The following MYO3A variants were observed in gnomAD, a reference collection of about 807,000 sequenced individuals.
MYO3A encodes myosin IIIA.
MYO3A carries 180 observed loss-of-function variants against 192.7 expected under a neutral mutation model. The observed-to-expected ratio is 0.93, with a 90% CI of 0.83 to 1.06. MYO3A has a LOEUF of 1.06. MYO3A is among the 50% of genes least tolerant of loss of function. The pLI is 0.00. For synonymous variants in MYO3A, 628 were observed against 645.3 expected (o/e 0.97, Z 0.41); for missense variants, 1,896 against 1,905.0 (o/e 1.00, Z 0.09).
chr10:26,145,179 CAAAA>C (rs10715590), intron 21 of MYO3A, among the ~76,000 whole-genome samples: 1 of 94,414 alleles, frequency 1.1e-5, no homozygotes, highest in Non-Finnish European at 2.2e-5. Context: ...AACTCTGTCT[CAAAA>C]AAAAAAAAAA....
intron 15 of MYO3A, among the ~76,000 whole-genome samples, chr10:26,093,149 CACTT>C (rs1161319320): frequency 3.9e-5 from 6 of 152,106 alleles, no homozygotes; most frequent in Non-Finnish European, 7.4e-5. Context: ...TGATTGTTAA[CACTT>C]AATTGATACA....
chr10:26,018,951 T>C (rs1401388616), intron 7 of MYO3A, among the ~76,000 whole-genome samples: 1 of 152,200 alleles, frequency 6.6e-6, no homozygotes, highest in East Asian at 1.9e-4. Context: ...AATGAGAAAT[T>C]CGTATGAATG....
At chr10:25,977,437 G>A (rs779515964) in intron 4 of MYO3A, among the ~76,000 whole-genome samples, 1 of 152,076 alleles carries the variant, frequency 6.6e-6, no homozygotes, top group Non-Finnish European at 1.5e-5. Flanking sequence ...GTTTCTCCTG[G>A]TCAGGTTCAT....
chr10:26,121,102 A>G lies in MYO3A; in HGVS notation c.1903+300A>G, dbSNP rs57004262. On this transcript the variant is annotated intron_variant, in intron 18 of 34. Coordinates refer to ENST00000642920, the MANE Select transcript of MYO3A (RefSeq NM_017433.5). ...AGTATAGTTAAAATTCAGTAAACTGATCTGAAAAAGAATTATGTTATTGTC... is the reference window on the plus strand; with the variant it reads ...AGTATAGTTAAAATTCAGTAAACTGGTCTGAAAAAGAATTATGTTATTGTC... Among the ~76,000 whole-genome samples, 2,581 of 151,902 alleles carry G rather than the reference A, an allele frequency of 0.017. 83 individuals carry two copies. Among genetic ancestry groups the G allele is most frequent in the African/African-American group, 0.057 (2,342 of 41,388 alleles).
chr10:26,149,190 G>C (rs1564597990), intron 23 of MYO3A, among the ~76,000 whole-genome samples: 1 of 151,462 alleles, frequency 6.6e-6, no homozygotes, highest in Non-Finnish European at 1.5e-5. Context: ...CTAATTTCCT[G>C]AATGGTTTTT....
intron 34 of MYO3A, among the ~76,000 whole-genome samples, chr10:26,204,722 C>G (rs960844447): frequency 1.3e-5 from 2 of 152,146 alleles, no homozygotes; most frequent in African/African-American, 4.8e-5. Flanking sequence ...GTATTTCCAT[C>G]CTATGCAAAA....
chr10:26,045,111 C>A (rs570916375), intron 10 of MYO3A, among the ~76,000 whole-genome samples: 12 of 152,168 alleles, frequency 7.9e-5, no homozygotes, highest in Middle Eastern at 3.2e-3. Context: ...AGCAAGAACA[C>A]CCAGAGTGAC....
intron 10 of MYO3A, among the ~76,000 whole-genome samples, chr10:26,050,917 G>A (rs1273743405): frequency 1.3e-5 from 2 of 152,156 alleles, no homozygotes; most frequent in African/African-American, 4.8e-5. Flanking sequence ...TGTGCCTGTT[G>A]TCCAACTCAT....
intron 3 of MYO3A, 34 bp downstream of exon 3, chr10:25,952,312 TTTTTA>T: frequency 6.3e-7 from 1 of 1,587,652 alleles, no homozygotes; most frequent in Non-Finnish European, 8.6e-7. Flanking sequence ...ATTAGCTTTA[TTTTTA>T]TCTGTATGAA....
At chr10:26,180,965 A>G (rs1169928851) in intron 31 of MYO3A, among the ~76,000 whole-genome samples, 6 of 152,140 alleles carry the variant, frequency 3.9e-5, no homozygotes, top group Non-Finnish European at 7.4e-5. Flanking sequence ...AAGAATAACT[A>G]TAAATGAGGA....
At chr10:26,187,928 T>C (rs576600894) in intron 31 of MYO3A, among the ~76,000 whole-genome samples, 1 of 152,272 alleles carries the variant, frequency 6.6e-6, no homozygotes, top group Admixed American at 6.5e-5. Context: ...TCTTTGCTAT[T>C]GTGAATAGTG....
At chr10:25,958,089 A>G (rs1330678540) in intron 4 of MYO3A, among the ~76,000 whole-genome samples, 1 of 152,144 alleles carries the variant, frequency 6.6e-6, no homozygotes, top group Admixed American at 6.6e-5. Flanking sequence ...TCTTTAGTTT[A>G]ATAAGATTTC....
intron 17 of MYO3A, among the ~76,000 whole-genome samples, chr10:26,119,964 TG>T (rs951231928): frequency 6.8e-6 from 1 of 146,036 alleles, no homozygotes; most frequent in African/African-American, 2.6e-5. Context: ...GAGACCAGCC[TG>T]GGCAACATGG....
chr10:26,035,061 G>A (rs550392591), intron 10 of MYO3A, among the ~76,000 whole-genome samples: 115 of 152,140 alleles, frequency 7.6e-4, no homozygotes, highest in African/African-American at 2.4e-3. Flanking sequence ...AGAAGGAAAG[G>A]TCTCGTAAAG....
intron 20 of MYO3A, among the ~76,000 whole-genome samples, chr10:26,139,263 T>G (rs1589022974): frequency 6.6e-6 from 1 of 151,974 alleles, no homozygotes; most frequent in East Asian, 1.9e-4. Flanking sequence ...TGAGATGGAG[T>G]TTCATTCTTG....
At chr10:26,201,363 A>G in intron 33 of MYO3A, 58 bp downstream of exon 33, 7 of 1,299,676 alleles carry the variant, frequency 5.4e-6, no homozygotes, top group South Asian at 1.3e-5. Flanking sequence ...ATAAAAATCC[A>G]TGTGTTCAAA....
intron 10 of MYO3A, 113 bp from the exon 11 acceptor site, chr10:26,066,862 A>T: frequency 1.4e-6 from 1 of 718,896 alleles, no homozygotes; most frequent in Non-Finnish European, 2.5e-6. Flanking sequence ...GTATCTTATC[A>T]TTGAATTTAA....
intron 31 of MYO3A, among the ~76,000 whole-genome samples, chr10:26,192,050 G>C (rs1193043898): frequency 6.6e-6 from 1 of 152,142 alleles, no homozygotes. Context: ...AGACATTCTT[G>C]CGCAAACAGA....
chr10:26,154,644 A>T, intron 24 of MYO3A, 102 bp from the exon 25 acceptor site: 2 of 995,682 alleles, frequency 2.0e-6, no homozygotes, highest in Non-Finnish European at 3.1e-6. Context: ...ACATATTTGA[A>T]TGCATAAACT....
Sources: allele counts gnomAD v4.1 joint callset (sites outside exome capture counted in the v4.1 genomes callset), GRCh38; gene constraint gnomAD v4.1.1; transcripts MANE v1.5; gene names NCBI Gene and HGNC (gene_info 2026-07-23, HGNC 2026-07-21).